The following NTM variants were observed in gnomAD, a reference collection of about 807,000 sequenced individuals.
NTM encodes the protein IgLON family member 2.
Under a neutral mutation model 42.1 loss-of-function variants are expected in NTM, and 13 were observed. The ratio of observed to expected loss-of-function variants is 0.31; its 90% CI spans 0.20 to 0.49. NTM has a LOEUF of 0.49. Ranked by LOEUF, NTM falls within the 20% of genes least tolerant of loss-of-function variation. The probability of loss-of-function intolerance (pLI) is 0.99; values close to 1 mark genes in which losing one functional copy is unlikely to be tolerated. For missense variants in NTM, 373 were observed against 452.8 expected, an observed-to-expected ratio of 0.82 and a Z score of 1.60; for synonymous variants, 187 against 179.2, an observed-to-expected ratio of 1.04 and a Z score of -0.35.
At chr11:131,726,926 C>G (rs2079043848) in intron 1 of NTM, among the ~76,000 whole-genome samples, 1 of 151,212 alleles carries the variant, frequency 6.6e-6, no homozygotes, top group Non-Finnish European at 1.5e-5. Flanking sequence ...TGGGCTCAAG[C>G]ACTTCTCCCT....
chr11:131,722,054 C>G (rs1035371211), intron 1 of NTM, among the ~76,000 whole-genome samples: 4 of 131,720 alleles, frequency 3.0e-5, no homozygotes, highest in Non-Finnish European at 6.6e-5. Flanking sequence ...GCTTGTAAAG[C>G]AACAAACACA....
intron 1 of NTM, among the ~76,000 whole-genome samples, chr11:131,834,596 G>T (rs571548666): frequency 8.0e-6 from 1 of 124,392 alleles, no homozygotes; most frequent in South Asian, 2.5e-4. Flanking sequence ...AAGCATCTTC[G>T]GAATAGTGTG....
intron 1 of NTM, among the ~76,000 whole-genome samples, chr11:131,860,856 T>C (rs187079667): frequency 6.6e-6 from 1 of 152,342 alleles, no homozygotes; most frequent in East Asian, 1.9e-4. Context: ...TGTCTCTTGC[T>C]GGCTACATAC....
At chr11:132,321,346 G>C (rs1003479045) in intron 7 of NTM, among the ~76,000 whole-genome samples, 20 of 152,104 alleles carry the variant, frequency 1.3e-4, no homozygotes, top group African/African-American at 3.9e-4. Context: ...GCTGATGGAG[G>C]TGAAAACCAA....
chr11:131,436,668 C>G (rs1463689774), intron 1 of NTM, among the ~76,000 whole-genome samples: 1 of 151,882 alleles, frequency 6.6e-6, no homozygotes, highest in Non-Finnish European at 1.5e-5. Flanking sequence ...TTTGATTCTT[C>G]TCTCTTTTCT....
At chr11:131,429,999 T>C (rs1948520275) in intron 1 of NTM, among the ~76,000 whole-genome samples, 1 of 152,172 alleles carries the variant, frequency 6.6e-6, no homozygotes, top group Non-Finnish European at 1.5e-5. Flanking sequence ...TGTTACCTAG[T>C]GTCGAATGAA....
At chr11:131,576,779 A>C (rs1327152385) in intron 1 of NTM, among the ~76,000 whole-genome samples, 1 of 152,212 alleles carries the variant, frequency 6.6e-6, no homozygotes, top group African/African-American at 2.4e-5. Flanking sequence ...CATTAATGGC[A>C]AAGTTTCTGG....
chr11:132,331,362 C>T (rs1005040029), intron 8 of NTM, among the ~76,000 whole-genome samples: 1 of 152,180 alleles, frequency 6.6e-6, no homozygotes, highest in Non-Finnish European at 1.5e-5. Flanking sequence ...TGTAGATAGA[C>T]ACTCAGCCAC....
At chr11:132,098,274 A>T (rs1265659034) in intron 2 of NTM, among the ~76,000 whole-genome samples, 1 of 76,748 alleles carries the variant, frequency 1.3e-5, no homozygotes, top group Non-Finnish European at 3.0e-5. Context: ...TGTAATTAGT[A>T]TATTCCCCCA....
intron 2 of NTM, among the ~76,000 whole-genome samples, chr11:131,998,698 A>G (rs1262063576): frequency 1.3e-5 from 2 of 152,154 alleles, no homozygotes; most frequent in Non-Finnish European, 2.9e-5. Flanking sequence ...TGGTCCCCAC[A>G]TCCCATCTCC....
At chr11:132,247,643 G>T (rs912407968) in intron 4 of NTM, among the ~76,000 whole-genome samples, 1 of 152,128 alleles carries the variant, frequency 6.6e-6, no homozygotes, top group Non-Finnish European at 1.5e-5. Flanking sequence ...TATGGCCAGG[G>T]TCTTCAAGCA....
At chr11:131,436,043 A>G (rs1359897071) in intron 1 of NTM, among the ~76,000 whole-genome samples, 1 of 152,148 alleles carries the variant, frequency 6.6e-6, no homozygotes, top group African/African-American at 2.4e-5. Context: ...TATTGAGATA[A>G]TCATGTGGTT....
chr11:131,972,754 A>G (rs1380369225), intron 2 of NTM, among the ~76,000 whole-genome samples: 4 of 152,210 alleles, frequency 2.6e-5, no homozygotes, highest in Non-Finnish European at 5.9e-5. Flanking sequence ...AGGCAGTGTC[A>G]GGGTATTAAC....
rs2069659463 is a variant in NTM, at chr11:132,002,914, T to TTTTTTTTTTTTTTTTTTTTTTTTTG, written c.167+91266_167+91267insTTTTTTTTTTTTTTTTTTTTTTTTG. On this transcript the variant is annotated intron_variant, in intron 2 of 8. Transcript: ENST00000683400. The surrounding 1 kb of genome is among the most constrained non-coding windows in gnomAD (Gnocchi z 4.5). ...AGCAGCCATTATTACTGTTTACTGT[T>TTTTTTTTTTTTTTTTTTTTTTTTTG]AATAACAGAAATTACTATTAAAAAA... Among the ~76,000 whole-genome samples the TTTTTTTTTTTTTTTTTTTTTTTTTG allele has an allele frequency of 1.3e-5, 2 of 152,126 alleles. No homozygotes were observed. The highest frequency in any genetic ancestry group is 2.4e-5 in the African/African-American group (1 of 41,358).
intron 1 of NTM, among the ~76,000 whole-genome samples, chr11:131,414,920 T>C (rs1377834732): frequency 6.6e-6 from 1 of 152,172 alleles, no homozygotes; most frequent in Non-Finnish European, 1.5e-5. Flanking sequence ...GGAAAGCAAA[T>C]TGTGCATCCC....
chr11:132,201,037 G>A (rs2081081150), intron 3 of NTM, among the ~76,000 whole-genome samples: 1 of 152,106 alleles, frequency 6.6e-6, no homozygotes. Context: ...ACAGAAGCAA[G>A]GGCATCCAAG....
chr11:131,472,152 C>T (rs1206582953), intron 1 of NTM, among the ~76,000 whole-genome samples: 5 of 152,148 alleles, frequency 3.3e-5, no homozygotes, highest in Non-Finnish European at 4.4e-5. Context: ...CTGGCATCAG[C>T]GGGATTCCCT....
chr11:131,585,882 C>T (rs924945415), intron 1 of NTM, among the ~76,000 whole-genome samples: 19 of 152,164 alleles, frequency 1.2e-4, no homozygotes, highest in Admixed American at 1.3e-4. Context: ...TCTTTCCTTT[C>T]TTCTCCCTGC....
chr11:131,928,215 C>G (rs2058176152), intron 2 of NTM, among the ~76,000 whole-genome samples: 1 of 152,078 alleles, frequency 6.6e-6, no homozygotes, highest in South Asian at 2.1e-4. Context: ...ACCCAATGGT[C>G]TACCCTGTGA....
Sources: allele counts gnomAD v4.1 joint callset (sites outside exome capture counted in the v4.1 genomes callset), GRCh38; gene constraint gnomAD v4.1.1; non-coding constraint Gnocchi (gnomAD v3.1); transcripts MANE v1.5; gene names NCBI Gene and HGNC (gene_info 2026-07-23, HGNC 2026-07-21).